AUTS2: variants seen among roughly 807,000 people sequenced by gnomAD.
The protein encoded by AUTS2 is autism susceptibility gene 2 protein.
Under a neutral mutation model 112.4 loss-of-function variants are expected in AUTS2, and 17 were observed. The ratio of observed to expected loss-of-function variants is 0.15; its 90% CI spans 0.10 to 0.23. The LOEUF (loss-of-function observed/expected upper bound fraction) is 0.23. Among genes scored for constraint, AUTS2 ranks in the 10% least tolerant of loss-of-function variants. AUTS2 has a pLI of 1.00. For synonymous variants in AUTS2, 751 were observed against 702.7 expected (o/e 1.07, Z -1.09); for missense variants, 1,510 against 1,701.6 (o/e 0.89, Z 1.98).
chr7:69,930,555 T>A (rs557913078), intron 2 of AUTS2, among the ~76,000 whole-genome samples: 2 of 152,322 alleles, frequency 1.3e-5, no homozygotes, highest in African/African-American at 4.8e-5. Flanking sequence ...TGAAAACCAT[T>A]GTTCATATAT....
chr7:70,010,833 G>T (rs1327673161), intron 2 of AUTS2, among the ~76,000 whole-genome samples: 2 of 152,166 alleles, frequency 1.3e-5, no homozygotes, highest in African/African-American at 4.8e-5. Context: ...TCACCAGATT[G>T]CTTCTGTCAT....
At chr7:70,175,392 A>G (rs1044919420) in intron 4 of AUTS2, among the ~76,000 whole-genome samples, 1 of 152,244 alleles carries the variant, frequency 6.6e-6, no homozygotes, top group Non-Finnish European at 1.5e-5. Flanking sequence ...TGTTGAAACT[A>G]CAGCAAAGAA....
intron 4 of AUTS2, among the ~76,000 whole-genome samples, chr7:70,366,440 G>T (rs991068397): frequency 6.6e-6 from 1 of 152,192 alleles, no homozygotes; most frequent in African/African-American, 2.4e-5. Flanking sequence ...AGCAAAGCAG[G>T]TGAAGGCTGT....
chr7:70,443,757 A>G (rs558726107), intron 5 of AUTS2, among the ~76,000 whole-genome samples: 6 of 152,284 alleles, frequency 3.9e-5, no homozygotes, highest in South Asian at 2.1e-4. Flanking sequence ...ATGAACTGAC[A>G]TGAGAATTAT....
chr7:70,654,412 A>C (rs988686751), intron 5 of AUTS2, among the ~76,000 whole-genome samples: 5 of 152,226 alleles, frequency 3.3e-5, no homozygotes, highest in Admixed American at 3.3e-4. Flanking sequence ...CTTTATTTAC[A>C]AAAATAAGAC....
chr7:69,697,529 G>C (rs1401303235), intron 1 of AUTS2, among the ~76,000 whole-genome samples: 2 of 152,174 alleles, frequency 1.3e-5, no homozygotes, highest in African/African-American at 4.8e-5. Flanking sequence ...ATGAGGTGCA[G>C]TCTGAGCTTT....
At chr7:69,649,374 C>T (rs1363731735) in intron 1 of AUTS2, among the ~76,000 whole-genome samples, 2 of 152,182 alleles carry the variant, frequency 1.3e-5, no homozygotes, top group South Asian at 2.1e-4. Flanking sequence ...CCTCCTTTTG[C>T]CTGTTACATA....
chr7:69,691,964 A>G (rs1797367304), intron 1 of AUTS2, among the ~76,000 whole-genome samples: 1 of 152,160 alleles, frequency 6.6e-6, no homozygotes, highest in Non-Finnish European at 1.5e-5. Context: ...TAAGCTTCAG[A>G]TGCCTCAGTC....
chr7:70,232,548 C>G (rs184751427), intron 4 of AUTS2, among the ~76,000 whole-genome samples: 1 of 152,026 alleles, frequency 6.6e-6, no homozygotes, highest in East Asian at 1.9e-4. Context: ...GGACTACAGG[C>G]GCATACCACC....
chr7:70,767,260 G>C (rs1327537503), intron 9 of AUTS2, among the ~76,000 whole-genome samples: 19 of 151,904 alleles, frequency 1.3e-4, no homozygotes, highest in Non-Finnish European at 1.0e-4. Context: ...CCCCCATCTT[G>C]TTTAACTTAC....
intron 5 of AUTS2, among the ~76,000 whole-genome samples, chr7:70,474,587 A>T (rs1302726205): frequency 1.3e-5 from 2 of 152,324 alleles, no homozygotes; most frequent in South Asian, 2.1e-4. Context: ...ATAACTGCCC[A>T]CAGAGGCATA....
intron 4 of AUTS2, among the ~76,000 whole-genome samples, chr7:70,244,371 G>C (rs1812790855): frequency 6.6e-6 from 1 of 152,154 alleles, no homozygotes; most frequent in East Asian, 1.9e-4. Flanking sequence ...GGCATTTATA[G>C]CATTAGATAA....
intron 4 of AUTS2, among the ~76,000 whole-genome samples, chr7:70,330,239 T>C (rs1790680534): frequency 6.6e-6 from 1 of 152,226 alleles, no homozygotes; most frequent in South Asian, 2.1e-4. Context: ...TACTTTCTTC[T>C]AAGAGTTTTA....
At chr7:69,692,675 G>A (rs1797400100) in intron 1 of AUTS2, among the ~76,000 whole-genome samples, 2 of 152,262 alleles carry the variant, frequency 1.3e-5, no homozygotes, top group African/African-American at 4.8e-5. Flanking sequence ...CTATTTTAAA[G>A]AGTCATGGTA....
At chr7:70,240,070 A>G (rs1251785798) in intron 4 of AUTS2, among the ~76,000 whole-genome samples, 1 of 151,814 alleles carries the variant, frequency 6.6e-6, no homozygotes, top group Admixed American at 6.6e-5. Context: ...TGTAGTTCTT[A>G]GAGGTTGCCT....
chr7:70,543,897 G>A (rs1358421149), intron 5 of AUTS2, among the ~76,000 whole-genome samples: 2 of 152,282 alleles, frequency 1.3e-5, no homozygotes, highest in Middle Eastern at 3.4e-3. Context: ...GAATTCCAGA[G>A]TCTAGGGCTT....
chr7:70,588,262 C>A (rs1054016614), intron 5 of AUTS2, among the ~76,000 whole-genome samples: 77 of 152,214 alleles, frequency 5.1e-4, no homozygotes, highest in Admixed American at 4.9e-3. Flanking sequence ...CTCAGCAGGA[C>A]CTGGCCCATT....
chr7:69,889,422 CA>C (rs972371180), intron 1 of AUTS2, among the ~76,000 whole-genome samples: 9 of 152,322 alleles, frequency 5.9e-5, no homozygotes, highest in Admixed American at 1.3e-4. Flanking sequence ...ATGGTTGTTT[CA>C]ACTTACTTTA....
chr7:70,030,719 G>A (rs1395462369), intron 2 of AUTS2, among the ~76,000 whole-genome samples: 1 of 152,118 alleles, frequency 6.6e-6, no homozygotes, highest in Non-Finnish European at 1.5e-5. Flanking sequence ...CAAAACTCTG[G>A]TGTATAATAG....
Sources: gnomAD v4.1 joint callset for allele counts (sites outside exome capture counted in the v4.1 genomes callset) on GRCh38, gnomAD v4.1.1 for gene constraint, MANE v1.5 for transcripts, NCBI Gene and HGNC (gene_info 2026-07-23, HGNC 2026-07-21) for gene names.